The following LRRC4C variants were observed in gnomAD, a reference collection of about 807,000 sequenced individuals.
LRRC4C encodes the protein leucine rich repeat containing 4C, also known as leucine-rich repeat-containing protein 4C.
Under a neutral mutation model 33.6 loss-of-function variants are expected in LRRC4C, and 5 were observed. That is an observed-to-expected ratio of 0.15 (90% CI 0.08 to 0.31). The LOEUF (loss-of-function observed/expected upper bound fraction) is 0.31. Among genes scored for constraint, LRRC4C ranks in the 10% least tolerant of loss-of-function variants. LRRC4C has a pLI of 1.00. For synonymous variants in LRRC4C, 329 were observed against 302.0 expected (o/e 1.09, Z -0.93); for missense variants, 560 against 796.7 (o/e 0.70, Z 3.58).
chr11:40,174,132 C>G (rs1171871253), intron 5 of LRRC4C, among the ~76,000 whole-genome samples: 1 of 152,098 alleles, frequency 6.6e-6, no homozygotes, highest in Non-Finnish European at 1.5e-5. Context: ...TGTTAGCACG[C>G]TGCATGAACC....
At chr11:40,545,259 T>C (rs776123177) in intron 3 of LRRC4C, among the ~76,000 whole-genome samples, 4 of 151,978 alleles carry the variant, frequency 2.6e-5, no homozygotes, top group Non-Finnish European at 5.9e-5. Context: ...TTAAACACAG[T>C]GCTTGGCATG....
At chr11:40,224,529 A>G (rs1389751411) in intron 5 of LRRC4C, among the ~76,000 whole-genome samples, 1 of 152,260 alleles carries the variant, frequency 6.6e-6, no homozygotes, top group African/African-American at 2.4e-5. Context: ...TTTAGACTCA[A>G]GATAAACCAT....
intron 4 of LRRC4C, among the ~76,000 whole-genome samples, chr11:40,288,419 C>G (rs1943985125): frequency 6.6e-6 from 1 of 152,206 alleles, no homozygotes; most frequent in Non-Finnish European, 1.5e-5. Flanking sequence ...CAATGGTTAT[C>G]TCCCAAGCCT....
chr11:40,452,114 A>G (rs1436792075), intron 3 of LRRC4C, among the ~76,000 whole-genome samples: 1 of 152,176 alleles, frequency 6.6e-6, no homozygotes, highest in Non-Finnish European at 1.5e-5. Context: ...CATCTGTACC[A>G]TCATCAAAGA....
chr11:41,231,760 A>G (rs1947808241), intron 1 of LRRC4C, among the ~76,000 whole-genome samples: 1 of 151,740 alleles, frequency 6.6e-6, no homozygotes, highest in African/African-American at 2.4e-5. Flanking sequence ...AACTTAAAGT[A>G]TAATATATAT....
intron 3 of LRRC4C, among the ~76,000 whole-genome samples, chr11:40,495,183 A>C (rs1355466577): frequency 6.6e-6 from 1 of 152,218 alleles, no homozygotes; most frequent in African/African-American, 2.4e-5. Flanking sequence ...TACAGGTTAA[A>C]TGTGCTGTTG....
At chr11:40,638,279 T>C (rs573126836) in intron 3 of LRRC4C, among the ~76,000 whole-genome samples, 1 of 152,344 alleles carries the variant, frequency 6.6e-6, no homozygotes. Flanking sequence ...CTCTGCTATA[T>C]CTCCAAAGCC....
At chr11:40,311,346 G>C (rs1023805968) in intron 4 of LRRC4C, among the ~76,000 whole-genome samples, 6 of 152,092 alleles carry the variant, frequency 3.9e-5, no homozygotes, top group Non-Finnish European at 8.8e-5. Context: ...ACAGAAGACA[G>C]CATTTATCCT....
intron 2 of LRRC4C, among the ~76,000 whole-genome samples, chr11:40,906,231 C>T (rs1013069260): frequency 6.6e-6 from 1 of 152,220 alleles, no homozygotes; most frequent in Admixed American, 6.5e-5. Flanking sequence ...ACAGTATAGG[C>T]CAGGAGCAGT....
intron 1 of LRRC4C, among the ~76,000 whole-genome samples, chr11:41,216,363 A>T (rs547093400): frequency 6.6e-6 from 1 of 152,284 alleles, no homozygotes; most frequent in East Asian, 1.9e-4. Flanking sequence ...CGACATTGAG[A>T]TAAACAACTT....
rs146847362 is a variant in LRRC4C, at chr11:41,014,061, C to T, written c.-495-80338G>A. 4.7e-3 allele frequency among the ~76,000 whole-genome samples: 716 copies of T among 152,206 alleles called. 5 individuals are homozygous for T. Among genetic ancestry groups the T allele is most frequent in the African/African-American group, 0.016 (670 of 41,524 alleles). On this transcript the variant is annotated intron_variant, in intron 1 of 6. Coordinates refer to ENST00000528697, the MANE Select transcript of LRRC4C (RefSeq NM_001258419.2). ...ACTTGACATGAGATTTGTGTGGAGACCCAGATCCAAACCATATCAGCACCT... is the reference window on the plus strand; with the variant it reads ...ACTTGACATGAGATTTGTGTGGAGATCCAGATCCAAACCATATCAGCACCT...
intron 4 of LRRC4C, among the ~76,000 whole-genome samples, chr11:40,254,727 C>T (rs563724877): frequency 1.3e-5 from 2 of 152,232 alleles, no homozygotes; most frequent in African/African-American, 4.8e-5. Context: ...GTAAATACAA[C>T]AAACAAAATG....
chr11:41,301,039 G>GTTT (rs1330238021), intron 1 of LRRC4C, among the ~76,000 whole-genome samples: 3 of 152,156 alleles, frequency 2.0e-5, no homozygotes, highest in Non-Finnish European at 4.4e-5. Context: ...AAATTAGAAT[G>GTTT]TAGTAAAAAC....
chr11:40,246,481 G>T (rs1352182675), intron 4 of LRRC4C, among the ~76,000 whole-genome samples: 1 of 152,114 alleles, frequency 6.6e-6, no homozygotes, highest in Non-Finnish European at 1.5e-5. Flanking sequence ...CTTCTTTGAG[G>T]TGACATACAT....
rs77252165 is a variant in LRRC4C at position 40,322,830 on chromosome 11, A to G, written c.-269-3109T>C. 1.0e-2 allele frequency among the ~76,000 whole-genome samples: 1,519 copies of G among 152,290 alleles called. 34 individuals are homozygous for G. The highest frequency in any genetic ancestry group is 0.035 in the African/African-American group (1,453 of 41,550). On this transcript the variant is annotated intron_variant, in intron 3 of 6. Transcript: ENST00000528697. ...GGTCTGTCCCAGAGTAAGCATATAC[A>G]TAGATATCCAGGTATTGTCAGCATC...
intron 6 of LRRC4C, among the ~76,000 whole-genome samples, chr11:40,117,693 G>C (rs911391141): frequency 2.1e-5 from 3 of 145,630 alleles, no homozygotes; most frequent in African/African-American, 7.5e-5. Context: ...GAGTCTCTTG[G>C]AAAGAAAAAA....
At chr11:40,747,441 A>T (rs1207855917) in intron 2 of LRRC4C, among the ~76,000 whole-genome samples, 1 of 152,198 alleles carries the variant, frequency 6.6e-6, no homozygotes, top group African/African-American at 2.4e-5. Context: ...AAAGATAGAA[A>T]AAAGCAACTA....
At chr11:40,219,606 G>A (rs1864252625) in intron 5 of LRRC4C, among the ~76,000 whole-genome samples, 1 of 152,096 alleles carries the variant, frequency 6.6e-6, no homozygotes, top group African/African-American at 2.4e-5. Context: ...GAATCTGGAG[G>A]ACATTATGCT....
chr11:40,199,729 T>G (rs547971193), intron 5 of LRRC4C, among the ~76,000 whole-genome samples: 10 of 152,252 alleles, frequency 6.6e-5, no homozygotes, highest in Middle Eastern at 3.4e-3. Context: ...TTTTTTTAAT[T>G]TATTATTAAT....
Sources: allele counts gnomAD v4.1 joint callset (sites outside exome capture counted in the v4.1 genomes callset), GRCh38; gene constraint gnomAD v4.1.1; transcripts MANE v1.5; gene names NCBI Gene and HGNC (gene_info 2026-07-23, HGNC 2026-07-21).